TAMALIN: variants seen among roughly 807,000 people sequenced by gnomAD.
TAMALIN encodes trafficking regulator and scaffold protein tamalin.
In TAMALIN, 9 loss-of-function variants were observed where a neutral mutation model predicts 38.5. The observed-to-expected ratio is 0.23, with a 90% CI of 0.14 to 0.41. The LOEUF is 0.41. Among genes scored for constraint, TAMALIN ranks in the 10% least tolerant of loss-of-function variants. The probability of loss-of-function intolerance (pLI) is 1.00; values close to 1 mark genes in which losing one functional copy is unlikely to be tolerated. For synonymous variants in TAMALIN, 306 were observed against 256.5 expected, an observed-to-expected ratio of 1.19 and a Z score of -1.85; for missense variants, 548 against 554.1, an observed-to-expected ratio of 0.99 and a Z score of 0.11.
rs1207079092 is a variant in TAMALIN at position 52,007,125 on chromosome 12, G to A, written c.106G>A (p.Val36Ile). ...PDSEVAPAAP[V>I]PTPGPPAAAA... ...CTCGGAAGTCGCGCCCGCCGCTCCG[G>A]TCCCGACCCCGGGACCCCCTGCCGC... is the stretch of plus-strand genomic sequence containing the variant. The change falls in exon 1 of 8, where the codon GTC (valine) becomes ATC (isoleucine). Residue 36 changes from valine (V) to isoleucine (I), a missense_variant. By Grantham distance (29) the Val-to-Ile change is conservative. This residue lies in a region of TAMALIN where 128 missense variants were observed against 117.9 expected (regional missense o/e 1.09). Transcript: ENST00000293662. The surrounding 1 kb of genome is among the most constrained non-coding windows in gnomAD (Gnocchi z 6.7). The A allele has an allele frequency of 6.7e-7, 1 of 1,486,362 alleles. No homozygotes were observed. The highest frequency in any genetic ancestry group is 8.9e-7 in the Non-Finnish European group (1 of 1,126,420). 92.1% of individuals were successfully genotyped at this position (1,486,362 alleles called of 1,614,324 possible). A position where few individuals can be genotyped will look rare whatever the true frequency, so the allele number is the denominator to read the frequency against.
At chr12:52,013,473 C>A in intron 4 of TAMALIN, 1 of 569,870 alleles carries the variant, frequency 1.8e-6, no homozygotes, top group Non-Finnish European at 3.2e-6. Context: ...GTAGTCACTA[C>A]AGGCCCACAA....
rs550797948 is a variant in TAMALIN, at chr12:52,008,829, T to C, written c.247-361T>C. The C allele has an allele frequency of 5.6e-6, 5 of 887,602 alleles. No individual in the cohort carries two copies. In the African/African-American group the frequency reaches 9.0e-5, roughly 16 times the overall value. 55.0% of individuals were successfully genotyped at this position (887,602 alleles called of 1,614,324 possible). ...AGCCCCTGCCTCAGCTTTGGGAGTCTGGATGGCCTGAGCCTCTACAGACAT... is the reference window on the plus strand; with the variant it reads ...AGCCCCTGCCTCAGCTTTGGGAGTCCGGATGGCCTGAGCCTCTACAGACAT... On this transcript the variant is annotated intron_variant, in intron 1 of 7. Coordinates refer to ENST00000293662, the MANE Select transcript of TAMALIN (RefSeq NM_181711.4).
At chr12:52,009,040 C>G in intron 1 of TAMALIN, 150 bp from the exon 2 acceptor site, 1 of 791,892 alleles carries the variant, frequency 1.3e-6, no homozygotes, top group South Asian at 1.6e-5. Flanking sequence ...TGGCACTTGG[C>G]AAATAGTTCC....
intron 4 of TAMALIN, among the ~76,000 whole-genome samples, chr12:52,013,078 T>C (rs966898628): frequency 1.1e-4 from 15 of 137,930 alleles, no homozygotes; most frequent in Admixed American, 6.4e-4. Flanking sequence ...AGAACTTCTT[T>C]TTTTTTTTTT....
chr12:52,013,509 G>A (rs1222896518), intron 4 of TAMALIN, 178 bp from the exon 5 acceptor site: 1 of 607,976 alleles, frequency 1.6e-6, no homozygotes, highest in Non-Finnish European at 3.0e-6. Flanking sequence ...TGTGTGTTTG[G>A]ATCGAGTATG....
intron 2 of TAMALIN, chr12:52,010,447 C>T (rs1942484093): frequency 2.1e-6 from 2 of 970,722 alleles, no homozygotes; most frequent in African/African-American, 3.5e-5. Flanking sequence ...GGAGGAGCAG[C>T]TGTGGTCTTG....
intron 1 of TAMALIN, chr12:52,008,116 C>T (rs1486716367): frequency 3.0e-6 from 3 of 985,288 alleles, no homozygotes; most frequent in Non-Finnish European, 1.2e-6. Flanking sequence ...TGTTGAAAGA[C>T]AAAGGGGTCT....
At position 52,014,962 on chromosome 12, in the gene TAMALIN, C is replaced by T. The variant is rs1937763431; in HGVS notation, c.951C>T (p.Ala317=). ...AFGPGPAETP[A]VGPGPGPRAA... is the part of the protein sequence containing the mutation. Reference sequence around the variant, plus strand: ...GCCCGGGCCCCGCCGAGACCCCTGCCGTGGGGCCGGGCCCTGGGCCGCGGG... The same window carrying T: ...GCCCGGGCCCCGCCGAGACCCCTGCTGTGGGGCCGGGCCCTGGGCCGCGGG... The change falls in exon 8 of 8, where the codon GCC becomes GCT. Residue 317 remains alanine, a synonymous_variant. Transcript: ENST00000293662. 4 of 974,450 alleles carry T rather than the reference C, an allele frequency of 4.1e-6. No individual in the cohort carries two copies. The highest frequency in any genetic ancestry group is 4.9e-6 in the Non-Finnish European group (4 of 820,398). The allele number at this position is 974,450 out of a possible 1,614,324, so 60.4% of individuals were successfully genotyped here. A position where few individuals can be genotyped will look rare whatever the true frequency, so the allele number is the denominator to read the frequency against.
intron 4 of TAMALIN, among the ~76,000 whole-genome samples, chr12:52,012,240 G>A (rs775416448): frequency 6.6e-6 from 1 of 152,344 alleles, no homozygotes; most frequent in Non-Finnish European, 1.5e-5. Flanking sequence ...TCACTGGGCA[G>A]ATCCTTCATG....
At chr12:52,012,937 G>T (rs1937689032) in intron 4 of TAMALIN, among the ~76,000 whole-genome samples, 1 of 152,208 alleles carries the variant, frequency 6.6e-6, no homozygotes, top group African/African-American at 2.4e-5. Context: ...TGGGGCCAGG[G>T]TCGGTTCCCA....
Position 52,007,317 on chromosome 12 carries a change from A to C in TAMALIN, c.246+52A>C, listed in dbSNP as rs908065007. Reference sequence around the variant, plus strand: ...CTGCTCAGCCCCTCTCCGACTCCCTACAGGGCCTGCTGACTCCGCAGTGCC... The same window carrying C: ...CTGCTCAGCCCCTCTCCGACTCCCTCCAGGGCCTGCTGACTCCGCAGTGCC... On this transcript the variant is annotated intron_variant, in intron 1 of 7. Coordinates refer to ENST00000293662, the MANE Select transcript of TAMALIN (RefSeq NM_181711.4). This position sits in a 1 kb window ranked among gnomAD's most constrained non-coding sequence, Gnocchi z 6.7. The C allele has an allele frequency of 1.5e-6, 2 of 1,365,816 alleles. No individual in the cohort carries two copies. The highest frequency in any genetic ancestry group is 3.0e-5 in the African/African-American group (2 of 66,326). 84.6% of individuals were successfully genotyped at this position (1,365,816 alleles called of 1,614,324 possible).
In TAMALIN at chr12:52,007,227, G is replaced by C. The variant is rs1942427413; in HGVS notation, c.208G>C (p.Ala70Pro). 2 of 1,436,606 alleles carry C rather than the reference G, an allele frequency of 1.4e-6. No individual in the cohort carries two copies. Among genetic ancestry groups the C allele is most frequent in the Admixed American group, 2.8e-5 (1 of 35,214 alleles). The allele number at this position is 1,436,606 out of a possible 1,614,324, so 89.0% of individuals were successfully genotyped here. A position where few individuals can be genotyped will look rare whatever the true frequency, so the allele number is the denominator to read the frequency against. Residue 70 changes from alanine to proline, a missense_variant, in exon 1 of 8, where the codon GCG (alanine) becomes CCG (proline). Ala to Pro is a conservative substitution (Grantham distance 27). This residue lies in a region of TAMALIN where 128 missense variants were observed against 117.9 expected (regional missense o/e 1.09). Transcript: ENST00000293662. The surrounding 1 kb of genome is among the most constrained non-coding windows in gnomAD (Gnocchi z 6.7). ...EDYHPAELYR[A>P]LAVSGGTLPR... is the part of the protein sequence containing the mutation. ...CTATCACCCTGCCGAGCTGTACCGC[G>C]CGCTCGCCGTGTCCGGGGGCACCCT...
chr12:52,012,055 C>G (rs555054590), intron 4 of TAMALIN, among the ~76,000 whole-genome samples: 1 of 152,160 alleles, frequency 6.6e-6, no homozygotes, highest in Non-Finnish European at 1.5e-5. Context: ...CCTCATGCTG[C>G]GTTCTGACAT....
chr12:52,009,185 C>T lies in TAMALIN; in HGVS notation c.247-5C>T, dbSNP rs759402990. ...CCTGCTCCTTCTGACCATCTTACTGCCCAGGGCTCAGGATTCCGCTGGAAG... is the reference window on the plus strand; with the variant it reads ...CCTGCTCCTTCTGACCATCTTACTGTCCAGGGCTCAGGATTCCGCTGGAAG... On this transcript the variant is annotated splice_region_variant and splice_polypyrimidine_tract_variant and intron_variant, in intron 1 of 7. Coordinates refer to ENST00000293662, the MANE Select transcript of TAMALIN (RefSeq NM_181711.4). 2 of 1,613,896 alleles carry T rather than the reference C, an allele frequency of 1.2e-6. No homozygotes were observed. The highest frequency in any genetic ancestry group is 2.7e-5 in the African/African-American group (2 of 74,918).
chr12:52,013,419 G>T (rs1937706368), intron 4 of TAMALIN: 1 of 446,088 alleles, frequency 2.2e-6, no homozygotes, highest in South Asian at 2.6e-5. Flanking sequence ...TTGGGTGTGT[G>T]AGGTCCCCAC....
intron 1 of TAMALIN, chr12:52,008,596 G>A (rs972558468): frequency 1.0e-5 from 10 of 985,432 alleles, no homozygotes; most frequent in Non-Finnish European, 1.2e-5. Context: ...CCTTGAAACG[G>A]CCTGTACCTT....
rs1445422281 is a variant in TAMALIN at position 52,015,135 on chromosome 12, G to A, written c.1124G>A (p.Arg375Gln). Residue 375 changes from arginine to glutamine, a missense_variant, in exon 8 of 8, where the codon CGG (arginine) becomes CAG (glutamine). Physicochemically the swap from Arg to Gln is conservative, Grantham distance 43. This residue lies in a region of TAMALIN where 415 missense variants were observed against 417.0 expected (regional missense o/e 1.00). Transcript: ENST00000293662. ...LRKTKYRSFR[R>Q]RLLKFIPGLN... ...AAAACCAAGTACCGCAGCTTCCGCC[G>A]GCGGCTGCTCAAGTTCATCCCCGGA... is the stretch of plus-strand genomic sequence containing the variant. The A allele has an allele frequency of 2.5e-6, 4 of 1,591,960 alleles. No homozygotes were observed. The highest frequency in any genetic ancestry group is 2.7e-5 in the African/African-American group (2 of 74,662).
At chr12:52,010,664 C>A in intron 2 of TAMALIN, 2 of 957,352 alleles carry the variant, frequency 2.1e-6, no homozygotes, top group Non-Finnish European at 2.9e-6. Context: ...TTCCCTCCCA[C>A]CACTAGAGGC....
Position 52,014,835 on chromosome 12 carries a change from G to A in TAMALIN, c.824G>A (p.Arg275Gln), listed in dbSNP as rs1337415046. The change falls in exon 8 of 8, where the codon CGG becomes CAG. Residue 275 changes from arginine to glutamine, a missense_variant. By Grantham distance (43) the Arg-to-Gln change is conservative (BLOSUM62 1). This residue lies in a region of TAMALIN where 415 missense variants were observed against 417.0 expected (regional missense o/e 1.00). Coordinates refer to ENST00000293662, the MANE Select transcript of TAMALIN (RefSeq NM_181711.4). ...VPGRPRGGAR[R>Q]ARGDADDAVY... is the part of the protein sequence containing the mutation. ...GGGCGTCCCCGCGGAGGCGCCCGACGGGCCAGGGGCGACGCCGACGACGCC... is the reference window on the plus strand; with the variant it reads ...GGGCGTCCCCGCGGAGGCGCCCGACAGGCCAGGGGCGACGCCGACGACGCC... 4 of 1,282,516 alleles carry A rather than the reference G, an allele frequency of 3.1e-6. No homozygotes were observed. The highest frequency in any genetic ancestry group is 3.2e-5 in the African/African-American group (2 of 63,274). 79.4% of individuals were successfully genotyped at this position (1,282,516 alleles called of 1,614,324 possible).
Sources: gnomAD v4.1 joint callset for allele counts (sites outside exome capture counted in the v4.1 genomes callset) on GRCh38, gnomAD v4.1.1 for gene constraint, gnomAD v4.1.1 regional missense constraint, Gnocchi (gnomAD v3.1) non-coding constraint, MANE v1.5 for transcripts, NCBI Gene and HGNC (gene_info 2026-07-23, HGNC 2026-07-21) for gene names.